DPP10: variants seen among roughly 807,000 people sequenced by gnomAD.
DPP10 encodes inactive dipeptidyl peptidase 10.
In DPP10, 33 loss-of-function variants were observed where a neutral mutation model predicts 120.9. The observed-to-expected ratio is 0.27, with a 90% CI of 0.21 to 0.37. The LOEUF is 0.37. Ranked by LOEUF, DPP10 falls within the 10% of genes least tolerant of loss-of-function variation. The pLI is 1.00. For synonymous variants in DPP10, 337 were observed against 326.1 expected, an observed-to-expected ratio of 1.03 and a Z score of -0.36; for missense variants, 816 against 942.8, an observed-to-expected ratio of 0.87 and a Z score of 1.76.
chr2:115,161,830 C>A, intron 1 of DPP10: 1 of 944,398 alleles, frequency 1.1e-6, no homozygotes, highest in Non-Finnish European at 1.4e-6. Flanking sequence ...CCCTCCGCTC[C>A]CCCCACCCCG....
At chr2:114,909,583 G>A (rs181603132) in intron 1 of DPP10, among the ~76,000 whole-genome samples, 67 of 152,100 alleles carry the variant, frequency 4.4e-4, no homozygotes, top group Non-Finnish European at 7.5e-4. Context: ...GATGTATAGC[G>A]TTCTTAGTCT....
chr2:115,110,485 G>A (rs2049160917), intron 1 of DPP10, among the ~76,000 whole-genome samples: 1 of 151,998 alleles, frequency 6.6e-6, no homozygotes, highest in Admixed American at 6.6e-5. Flanking sequence ...TGAGAAGTAT[G>A]GACATTATCT....
intron 2 of DPP10, among the ~76,000 whole-genome samples, chr2:115,318,308 A>G (rs774908976): frequency 1.4e-4 from 22 of 152,096 alleles, no homozygotes; most frequent in African/African-American, 5.3e-4. Flanking sequence ...TCATGCTGGT[A>G]CTGCATTGTT....
At position 115,145,141 on chromosome 2, in the gene DPP10, G is replaced by A. The variant is rs147875945; in HGVS notation, c.61-164098G>A. 1.5e-3 allele frequency: 228 copies of A among 151,212 alleles called. 6 individuals are homozygous for A. Among genetic ancestry groups the A allele is most frequent in the African/African-American group, 5.1e-3 (210 of 41,216 alleles). The allele number at this position is 151,212 out of a possible 1,614,324, so 9.4% of individuals were successfully genotyped here. ...GCTTTGATTCTTTTGTGATATGTGT[G>A]TCAGAAAAAAAAAAGAAGAAATAAA... On this transcript the variant is annotated intron_variant, in intron 1 of 25. Coordinates refer to ENST00000410059, the MANE Select transcript of DPP10 (RefSeq NM_020868.6).
chr2:115,288,834 A>G (rs1289500490), intron 1 of DPP10, among the ~76,000 whole-genome samples: 1 of 152,170 alleles, frequency 6.6e-6, no homozygotes, highest in Non-Finnish European at 1.5e-5. Flanking sequence ...CACAGCCAAT[A>G]TAATACTGAA....
intron 5 of DPP10, among the ~76,000 whole-genome samples, chr2:115,675,687 C>T (rs570163809): frequency 6.6e-6 from 1 of 152,248 alleles, no homozygotes; most frequent in East Asian, 1.9e-4. Context: ...CCCCTCAGGC[C>T]TCATAGGCCC....
intron 1 of DPP10, among the ~76,000 whole-genome samples, chr2:115,201,238 T>G (rs1322525798): frequency 1.3e-5 from 2 of 152,066 alleles, no homozygotes; most frequent in Non-Finnish European, 2.9e-5. Context: ...TGAAGCGGGC[T>G]GATCACCTGA....
chr2:114,539,622 A>G (rs1460050292), intron 1 of DPP10, among the ~76,000 whole-genome samples: 3 of 152,130 alleles, frequency 2.0e-5, no homozygotes, highest in Non-Finnish European at 4.4e-5. Context: ...CTTCAGTGTC[A>G]TCTCTGACCT....
chr2:115,344,171 A>G (rs909258917), intron 3 of DPP10, among the ~76,000 whole-genome samples: 8 of 151,698 alleles, frequency 5.3e-5, no homozygotes, highest in Non-Finnish European at 8.8e-5. Context: ...ATGTGTAGTT[A>G]ATATTTAATT....
At chr2:115,218,669 A>C (rs1364154278) in intron 1 of DPP10, among the ~76,000 whole-genome samples, 1 of 152,028 alleles carries the variant, frequency 6.6e-6, no homozygotes, top group Non-Finnish European at 1.5e-5. Context: ...CTCTCTTTCC[A>C]TACCAGGAAA....
intron 1 of DPP10, among the ~76,000 whole-genome samples, chr2:114,570,000 G>A (rs1689500417): frequency 6.6e-6 from 1 of 152,156 alleles, no homozygotes. Flanking sequence ...AACTAAAGCA[G>A]AATAAAATAG....
intron 2 of DPP10, chr2:115,342,160 A>G (rs1403197903): frequency 8.8e-6 from 4 of 455,010 alleles, no homozygotes; most frequent in African/African-American, 6.0e-5. Context: ...AGCACTCTCT[A>G]TCCTTATACT....
intron 1 of DPP10, among the ~76,000 whole-genome samples, chr2:114,935,659 A>AT (rs977857069): frequency 7.3e-5 from 11 of 151,124 alleles, no homozygotes; most frequent in Middle Eastern, 3.4e-3. Context: ...TTGATCAGAA[A>AT]TGATCCTTTC....
At chr2:114,880,812 A>T (rs1230206510) in intron 1 of DPP10, among the ~76,000 whole-genome samples, 2 of 152,178 alleles carry the variant, frequency 1.3e-5, no homozygotes, top group Non-Finnish European at 2.9e-5. Context: ...ACAATGAGAG[A>T]AATCAATTTC....
chr2:115,220,436 G>A (rs571564013), intron 1 of DPP10, among the ~76,000 whole-genome samples: 1 of 152,090 alleles, frequency 6.6e-6, no homozygotes, highest in Non-Finnish European at 1.5e-5. Context: ...TTCAGGGTCA[G>A]CATGGTGTCT....
chr2:115,000,982 T>C (rs1701402225), intron 1 of DPP10, among the ~76,000 whole-genome samples: 1 of 152,208 alleles, frequency 6.6e-6, no homozygotes, highest in African/African-American at 2.4e-5. Context: ...ATATCAGATC[T>C]TGGTTCTGTG....
chr2:115,280,480 G>A (rs1559358195), intron 1 of DPP10, among the ~76,000 whole-genome samples: 1 of 152,180 alleles, frequency 6.6e-6, no homozygotes, highest in Non-Finnish European at 1.5e-5. Flanking sequence ...CTATAGCTCA[G>A]TGTTCACCAC....
intron 1 of DPP10, among the ~76,000 whole-genome samples, chr2:114,519,030 G>A (rs537138704): frequency 1.3e-5 from 2 of 152,312 alleles, no homozygotes; most frequent in East Asian, 1.9e-4. Flanking sequence ...CTGTGAAAGA[G>A]ATCGAAGGCC....
At chr2:114,899,141 C>T (rs1222218976) in intron 1 of DPP10, among the ~76,000 whole-genome samples, 1 of 151,418 alleles carries the variant, frequency 6.6e-6, no homozygotes, top group Non-Finnish European at 1.5e-5. Flanking sequence ...AAGGTTGTCA[C>T]ATTAGCTTAA....
Sources: gnomAD v4.1 joint callset for allele counts (sites outside exome capture counted in the v4.1 genomes callset) on GRCh38, gnomAD v4.1.1 for gene constraint, MANE v1.5 for transcripts, NCBI Gene and HGNC (gene_info 2026-07-23, HGNC 2026-07-21) for gene names.